Variants in MYH14 observed in about 807,000 individuals in gnomAD.
MYH14 encodes the protein myosin heavy chain 14.
Under a neutral mutation model 255.5 loss-of-function variants are expected in MYH14, and 123 were observed. That is an observed-to-expected ratio of 0.48 (90% CI 0.42 to 0.56). MYH14 has a LOEUF of 0.56. MYH14 is among the 20% of genes least tolerant of loss of function. The probability of loss-of-function intolerance (pLI) is 0.00; values close to 1 mark genes in which losing one functional copy is unlikely to be tolerated. For synonymous variants in MYH14, 1,095 were observed against 1,161.2 expected, an observed-to-expected ratio of 0.94 and a Z score of 1.16; for missense variants, 2,423 against 2,802.3, an observed-to-expected ratio of 0.86 and a Z score of 3.06.
rs1234019776 is a variant in MYH14, at chr19:50,217,604, AC to A, written c.406-8del. The A allele has an allele frequency of 1.2e-6, 2 of 1,613,766 alleles. No individual in the cohort carries two copies. Among genetic ancestry groups the A allele is most frequent in the African/African-American group, 2.7e-5 (2 of 74,892 alleles). ...GCCATCTGAGACCCTCTCCCCTCTC[AC>A]CCACTGCAGACGTACTCCGGCCTTT... On this transcript the variant is annotated splice_polypyrimidine_tract_variant and intron_variant, in intron 2 of 42. Transcript: ENST00000642316.
chr19:50,270,963 G>C (rs1194947174), intron 24 of MYH14, among the ~76,000 whole-genome samples: 1 of 152,132 alleles, frequency 6.6e-6, no homozygotes, highest in Non-Finnish European at 1.5e-5. Flanking sequence ...CAAAGTCCTG[G>C]GATTACAGGC....
chr19:50,286,227 CT>C (rs1291715375), intron 33 of MYH14: 16 of 381,634 alleles, frequency 4.2e-5, no homozygotes, highest in African/African-American at 3.2e-4. Flanking sequence ...TCTACTGCCA[CT>C]CTTAAGAGGA....
chr19:50,289,460 C>T lies in MYH14; in HGVS notation c.4777C>T (p.Arg1593Trp), dbSNP rs768754243. The T allele has an allele frequency of 1.4e-5, 22 of 1,611,214 alleles. No individual in the cohort carries two copies. The highest frequency in any genetic ancestry group is 1.6e-4 in the Middle Eastern group (1 of 6,078). The change falls in exon 35 of 43, where the codon CGG becomes TGG. Residue 1593 changes from arginine to tryptophan, a missense_variant. Around this residue, in one of 3 missense-constraint regions of MYH14, gnomAD observed 1,513 missense variants for 1,674.8 expected, o/e 0.90. Transcript: ENST00000642316. Reference sequence around the variant, plus strand: ...GGTGCATGAGCTGGAACGAGCCTGCCGGGTAGCAGAACAGGCAGCCAATGA... The same window carrying T: ...GGTGCATGAGCTGGAACGAGCCTGCTGGGTAGCAGAACAGGCAGCCAATGA... ...KSVHELERAC[R>W]VAEQAANDLR...
At chr19:50,208,265 A>C (rs2031936832) in intron 1 of MYH14, among the ~76,000 whole-genome samples, 1 of 152,146 alleles carries the variant, frequency 6.6e-6, no homozygotes, top group African/African-American at 2.4e-5. Flanking sequence ...AAATACAAAA[A>C]TTAGCCAGGC....
chr19:50,210,020 C>A (rs2032074572), intron 1 of MYH14, among the ~76,000 whole-genome samples: 1 of 132,090 alleles, frequency 7.6e-6, no homozygotes, highest in African/African-American at 2.8e-5. Context: ...ATCACTTGAA[C>A]CCTGGATGCC....
At chr19:50,251,936 A>G (rs542426582) in intron 15 of MYH14, among the ~76,000 whole-genome samples, 1 of 152,254 alleles carries the variant, frequency 6.6e-6, no homozygotes, top group Admixed American at 6.5e-5. Context: ...CCTGTGAGCC[A>G]TAGTTTGCTG....
Position 50,310,219 on chromosome 19 carries a change from A to T in MYH14, c.*429A>T. 4.3e-6 allele frequency: 1 copy of T among 232,882 alleles called. No individual in the cohort carries two copies. Among genetic ancestry groups the T allele is most frequent in the South Asian group, 5.5e-5 (1 of 18,022 alleles). 14.4% of individuals were successfully genotyped at this position (232,882 alleles called of 1,614,324 possible). A position where few individuals can be genotyped will look rare whatever the true frequency, so the allele number is the denominator to read the frequency against. On this transcript the variant is annotated 3_prime_UTR_variant, in exon 43 of 43. Transcript: ENST00000642316. ...CCTCCCTCTCCTTCCCTACCCTCTC[A>T]CCATCTTTCTTGGCCTCTCTGAGGG...
rs551937796 is a variant in MYH14, at chr19:50,260,762, C to T, written c.2424+47C>T. The T allele has an allele frequency of 3.0e-4, 389 of 1,315,376 alleles. 2 individuals carry two copies. Among genetic ancestry groups the T allele is most frequent in the East Asian group, 9.5e-4 (39 of 41,162 alleles). The allele number at this position is 1,315,376 out of a possible 1,614,324, so 81.5% of individuals were successfully genotyped here. ...ATGCGTGTGTGCGTGTGTGTGTGTG[C>T]GTGCATGAGTGTGCGTGCATGTGTG... On this transcript the variant is annotated intron_variant, in intron 20 of 42. Transcript: ENST00000642316.
Position 50,254,166 on chromosome 19 carries a change from G to A in MYH14, c.1946-1054G>A, listed in dbSNP as rs182911600. On this transcript the variant is annotated intron_variant, in intron 16 of 42. Transcript: ENST00000642316. ...CGGGAGGTGGAGGTTGTGGTGAGCC[G>A]AGATCGTGCCATTGCACTCCAGCCT... is the stretch of plus-strand genomic sequence containing the variant. 2.1e-3 allele frequency among the ~76,000 whole-genome samples: 323 copies of A among 150,332 alleles called. 2 individuals carry two copies. Among genetic ancestry groups the A allele is most frequent in the African/African-American group, 7.3e-3 (300 of 40,828 alleles).
chr19:50,300,190 G>T (rs1326306327), intron 39 of MYH14, among the ~76,000 whole-genome samples: 2 of 152,078 alleles, frequency 1.3e-5, no homozygotes, highest in Non-Finnish European at 2.9e-5. Flanking sequence ...CTTGACCAAG[G>T]TGCTACTGAC....
At position 50,280,218 on chromosome 19, in the gene MYH14, C is replaced by T. The variant is rs183327883; in HGVS notation, c.4138-13C>T. The T allele has an allele frequency of 5.8e-4, 897 of 1,553,100 alleles. 1 individual carries two copies. Among genetic ancestry groups the T allele is most frequent in the Non-Finnish European group, 7.6e-4 (868 of 1,147,876 alleles). ...CCAGCCACACCTGACATTGCCGTCT[C>T]CTCCATCTACAGGAGCTGCTGCAGG... On this transcript the variant is annotated splice_polypyrimidine_tract_variant and intron_variant, in intron 31 of 42. Transcript: ENST00000642316. This position sits in a 1 kb window ranked among gnomAD's most constrained non-coding sequence, Gnocchi z 4.8.
In MYH14 at chr19:50,250,406, C is replaced by T. The variant is rs768612315; in HGVS notation, c.1657-109C>T. ...GTGAGCCACCGTGCCTGGCATCTCA[C>T]GTTTGTTTTTATGTCCAAGTGTGAC... On this transcript the variant is annotated intron_variant, in intron 14 of 42. Coordinates refer to ENST00000642316, the MANE Select transcript of MYH14 (RefSeq NM_001145809.2). This position sits in a 1 kb window ranked among gnomAD's most constrained non-coding sequence, Gnocchi z 5.4. The T allele has an allele frequency of 5.3e-4, 629 of 1,179,766 alleles. No homozygotes were observed. Among genetic ancestry groups the T allele is most frequent in the Non-Finnish European group, 7.3e-4 (599 of 818,794 alleles). The allele number at this position is 1,179,766 out of a possible 1,614,324, so 73.1% of individuals were successfully genotyped here.
At chr19:50,278,705 AAAT>A (rs941212919) in intron 30 of MYH14, among the ~76,000 whole-genome samples, 3 of 151,604 alleles carry the variant, frequency 2.0e-5, no homozygotes, top group Non-Finnish European at 2.9e-5. Flanking sequence ...TCCTGTCTCA[AAAT>A]AATAATAATA....
chr19:50,246,228 C>T (rs1284265264), intron 11 of MYH14, among the ~76,000 whole-genome samples: 2 of 151,740 alleles, frequency 1.3e-5, no homozygotes, highest in Non-Finnish European at 2.9e-5. Flanking sequence ...CAACCTCTAC[C>T]TCCTGGGTTC....
rs143135579 is a variant in MYH14 at position 50,259,301 on chromosome 19, G to A, written c.2354+36G>A. The A allele has an allele frequency of 0.016, 24,492 of 1,551,038 alleles. 244 individuals are homozygous for A. Among genetic ancestry groups the A allele is most frequent in the Non-Finnish European group, 0.018 (21,129 of 1,147,398 alleles). On this transcript the variant is annotated intron_variant, in intron 19 of 42. Transcript: ENST00000642316. ...GCGAGGGCCCAGGCCCGGCGGAGGG[G>A]CTGGGTGGGACCCGGGTCTGGAAGC...
At position 50,276,245 on chromosome 19, in the gene MYH14, A is replaced by G. The variant is rs1281893082; in HGVS notation, c.3680+42A>G. Reference sequence around the variant, plus strand: ...GGCCGCTGTCACAGCCTGTGCACATACAGGGCTGGGGGAAGGACTTAGGTA... The same window carrying G: ...GGCCGCTGTCACAGCCTGTGCACATGCAGGGCTGGGGGAAGGACTTAGGTA... On this transcript the variant is annotated intron_variant, in intron 28 of 42. Transcript: ENST00000642316. The surrounding 1 kb of genome is among the most constrained non-coding windows in gnomAD (Gnocchi z 4.3). 10 of 1,395,826 alleles carry G rather than the reference A, an allele frequency of 7.2e-6. No homozygotes were observed. Among genetic ancestry groups the G allele is most frequent in the Non-Finnish European group, 7.7e-6 (8 of 1,033,092 alleles). 86.5% of individuals were successfully genotyped at this position (1,395,826 alleles called of 1,614,324 possible). A position where few individuals can be genotyped will look rare whatever the true frequency, so the allele number is the denominator to read the frequency against.
chr19:50,253,953 C>T (rs1207178699), intron 16 of MYH14, among the ~76,000 whole-genome samples: 1 of 152,190 alleles, frequency 6.6e-6, no homozygotes, highest in Non-Finnish European at 1.5e-5. Flanking sequence ...CGCGGTGGCT[C>T]ACGCCTGTAA....
intron 3 of MYH14, among the ~76,000 whole-genome samples, chr19:50,222,065 C>T (rs1001299649): frequency 1.3e-5 from 2 of 152,126 alleles, no homozygotes; most frequent in Admixed American, 6.5e-5. Context: ...AGTAGCACCC[C>T]GGCCTCTACC....
intron 1 of MYH14, among the ~76,000 whole-genome samples, chr19:50,207,206 G>T: frequency 6.9e-6 from 1 of 145,226 alleles, no homozygotes; most frequent in Non-Finnish European, 1.5e-5. Context: ...CTCCAGCCTG[G>T]GCAATAGAGC....
Sources: allele counts gnomAD v4.1 joint callset (sites outside exome capture counted in the v4.1 genomes callset), GRCh38; gene constraint gnomAD v4.1.1; regional missense constraint gnomAD v4.1.1; non-coding constraint Gnocchi (gnomAD v3.1); transcripts MANE v1.5; gene names NCBI Gene and HGNC (gene_info 2026-07-23, HGNC 2026-07-21).